RP1: variants seen among roughly 807,000 people sequenced by gnomAD.
RP1 encodes oxygen-regulated protein 1.
A neutral mutation model predicts 14.8 loss-of-function variants in RP1; 16 were observed. The observed-to-expected ratio is 1.08, with a 90% CI of 0.73 to 1.65. The LOEUF is 1.65. RP1 is among the 40% of genes most tolerant of loss of function. The pLI, the probability that RP1 is intolerant of heterozygous loss-of-function variation, is 0.00. For synonymous variants in RP1, 876 were observed against 883.6 expected (o/e 0.99, Z 0.15); for missense variants, 2,631 against 2,535.0 (o/e 1.04, Z -0.81).
intron 1 of RP1, among the ~76,000 whole-genome samples, chr8:54,617,958 C>G (rs1040525472): frequency 6.6e-6 from 1 of 152,104 alleles, no homozygotes; most frequent in African/African-American, 2.4e-5. Context: ...CACACAAGGC[C>G]CTCTTTATCA....
intron 19 of RP1, among the ~76,000 whole-genome samples, chr8:54,743,909 C>A (rs1234775226): frequency 6.6e-6 from 1 of 152,128 alleles, no homozygotes; most frequent in African/African-American, 2.4e-5. Context: ...CAAGATGCTC[C>A]CCAATAAATG....
chr8:54,716,338 A>G (rs1808403105), intron 15 of RP1, among the ~76,000 whole-genome samples: 4 of 152,150 alleles, frequency 2.6e-5, no homozygotes, highest in Admixed American at 2.0e-4. Flanking sequence ...ACAGGTCAAT[A>G]ATAATTTTTT....
At chr8:54,824,970 T>A (rs571960102) in intron 24 of RP1, among the ~76,000 whole-genome samples, 42,267 of 143,654 alleles carry the variant, frequency 0.29, 6,216 homozygotes, top group South Asian at 0.36. Context: ...CTTTTTTTTT[T>A]TTAATTTATT....
At chr8:54,598,335 G>A (rs138128585) in intron 1 of RP1, among the ~76,000 whole-genome samples, 1 of 152,056 alleles carries the variant, frequency 6.6e-6, no homozygotes, top group East Asian at 1.9e-4. Context: ...GTATTAAATT[G>A]TACATACATA....
chr8:54,814,055 CTT>C (rs1811076718), intron 24 of RP1, among the ~76,000 whole-genome samples: 1 of 152,104 alleles, frequency 6.6e-6, no homozygotes, highest in East Asian at 1.9e-4. Context: ...TTTAAAATAA[CTT>C]ATGTAAAATG....
chr8:54,866,752 C>A (rs1487851864), intron 28 of RP1, among the ~76,000 whole-genome samples: 1 of 152,072 alleles, frequency 6.6e-6, no homozygotes, highest in Non-Finnish European at 1.5e-5. Flanking sequence ...GACCTATGGT[C>A]CCCACATGGG....
chr8:54,643,030 T>C (rs1468382587), intron 3 of RP1, among the ~76,000 whole-genome samples: 1 of 152,186 alleles, frequency 6.6e-6, no homozygotes, highest in Non-Finnish European at 1.5e-5. Flanking sequence ...TTCATATTCC[T>C]GTCCATTTTT....
At chr8:54,837,627 A>C in exon 25 of RP1, 3 of 1,232,066 alleles carry the variant, frequency 2.4e-6, no homozygotes, top group Middle Eastern at 3.1e-4. Flanking sequence ...CGATCTATGG[A>C]AGGAAATACC....
intron 1 of RP1, among the ~76,000 whole-genome samples, chr8:54,587,246 C>T (rs559374350): frequency 4.6e-5 from 7 of 152,170 alleles, no homozygotes; most frequent in South Asian, 2.1e-4. Flanking sequence ...GCCAACATGG[C>T]GAAACCCTGT....
At chr8:54,742,008 T>G (rs1809109984) in intron 19 of RP1, among the ~76,000 whole-genome samples, 1 of 151,966 alleles carries the variant, frequency 6.6e-6, no homozygotes, top group African/African-American at 2.4e-5. Context: ...TCGATCAAGT[T>G]AAGTAATTTG....
At chr8:54,621,995 A>G in intron 2 of RP1, 122 bp from the exon 3 acceptor site, 1 of 993,758 alleles carries the variant, frequency 1.0e-6, no homozygotes, top group South Asian at 1.4e-5. Flanking sequence ...TGCCTAAGAA[A>G]ATGCTCAGTG....
chr8:54,759,706 T>G (rs1563368315), intron 22 of RP1, among the ~76,000 whole-genome samples: 1 of 152,178 alleles, frequency 6.6e-6, no homozygotes, highest in Non-Finnish European at 1.5e-5. Flanking sequence ...GTTCTCTAGA[T>G]CTTTACTGAG....
chr8:54,705,046 T>G (rs188476776), intron 14 of RP1, among the ~76,000 whole-genome samples: 185 of 152,094 alleles, frequency 1.2e-3, no homozygotes, highest in Non-Finnish European at 2.2e-3. Context: ...ACTGCCAAAT[T>G]TATTTCTTCA....
intron 1 of RP1, among the ~76,000 whole-genome samples, chr8:54,577,059 C>A (rs952853154): frequency 1.3e-5 from 2 of 152,046 alleles, no homozygotes; most frequent in Non-Finnish European, 2.9e-5. Flanking sequence ...ACACTGTCAC[C>A]CAGGCTGGAG....
upstream of RP1, among the ~76,000 whole-genome samples, chr8:54,612,897 C>T (rs1805629350): frequency 6.6e-6 from 1 of 152,190 alleles, no homozygotes; most frequent in Non-Finnish European, 1.5e-5. Context: ...CGTCACTTCT[C>T]AGTGAGGTTT....
chr8:54,633,953 C>A (rs751749410), downstream of RP1, among the ~76,000 whole-genome samples: 1 of 151,860 alleles, frequency 6.6e-6, no homozygotes, highest in Non-Finnish European at 1.5e-5. Flanking sequence ...CTCACAGAGG[C>A]TAGTAAAGAA....
At chr8:54,601,594 C>G (rs1249128218) in intron 1 of RP1, among the ~76,000 whole-genome samples, 1 of 134,764 alleles carries the variant, frequency 7.4e-6, no homozygotes, top group Non-Finnish European at 1.6e-5. Flanking sequence ...AAATAAAAAA[C>G]TTAGAAAAAA....
chr8:54,819,323 A>T (rs915337846), intron 24 of RP1, among the ~76,000 whole-genome samples: 1 of 151,766 alleles, frequency 6.6e-6, no homozygotes, highest in African/African-American at 2.4e-5. Flanking sequence ...TATTATTTCA[A>T]TATCTTTGTT....
At chr8:54,683,229 T>C (rs1336297696) in intron 12 of RP1, among the ~76,000 whole-genome samples, 1 of 152,214 alleles carries the variant, frequency 6.6e-6, no homozygotes, top group East Asian at 1.9e-4. Flanking sequence ...TGAAGTAAGG[T>C]AGCATGATGA....
Sources: gnomAD v4.1 joint callset for allele counts (sites outside exome capture counted in the v4.1 genomes callset) on GRCh38, gnomAD v4.1.1 for gene constraint, MANE v1.5 for transcripts, NCBI Gene and HGNC (gene_info 2026-07-23, HGNC 2026-07-21) for gene names.